The following RBFOX1 variants were observed in gnomAD, a reference collection of about 807,000 sequenced individuals.
The protein encoded by RBFOX1 is RNA binding fox-1 homolog 1, also known as RNA binding protein fox-1 homolog 1.
RBFOX1 carries 8 observed loss-of-function variants against 57.7 expected under a neutral mutation model. The ratio of observed to expected loss-of-function variants is 0.14; its 90% CI spans 0.08 to 0.25. The LOEUF (loss-of-function observed/expected upper bound fraction) is 0.25, where lower values mean the gene tolerates loss of function less well. Ranked by LOEUF, RBFOX1 falls within the 10% of genes least tolerant of loss-of-function variation. The probability of loss-of-function intolerance (pLI) is 1.00; values close to 1 mark genes in which losing one functional copy is unlikely to be tolerated. For synonymous variants in RBFOX1, 326 were observed against 222.4 expected, an observed-to-expected ratio of 1.47 and a Z score of -4.15; for missense variants, 611 against 548.5, an observed-to-expected ratio of 1.11 and a Z score of -1.14.
intron 3 of RBFOX1, among the ~76,000 whole-genome samples, chr16:6,759,000 A>G (rs902647636): frequency 5.3e-5 from 8 of 152,182 alleles, no homozygotes; most frequent in East Asian, 1.9e-4. Context: ...TATTCAGACA[A>G]TGATGAGCTA....
At chr16:7,078,430 C>G (rs1256566358) in intron 4 of RBFOX1, among the ~76,000 whole-genome samples, 2 of 152,150 alleles carry the variant, frequency 1.3e-5, no homozygotes, top group African/African-American at 2.4e-5. Context: ...TCACTGAAAC[C>G]TCCGCCTCCC....
chr16:6,980,203 C>T (rs535119378), intron 3 of RBFOX1, among the ~76,000 whole-genome samples: 3 of 152,302 alleles, frequency 2.0e-5, no homozygotes, highest in African/African-American at 7.2e-5. Flanking sequence ...AAAAGCAATT[C>T]TAGCTGATAT....
At chr16:6,316,627 C>G (rs142683585) in intron 1 of RBFOX1, among the ~76,000 whole-genome samples, 3 of 152,138 alleles carry the variant, frequency 2.0e-5, no homozygotes. Context: ...GACAAGAACT[C>G]ATGGTGTAAG....
At chr16:6,355,419 ATGG>A (rs1175948896) in intron 2 of RBFOX1, among the ~76,000 whole-genome samples, 4 of 152,142 alleles carry the variant, frequency 2.6e-5, no homozygotes, top group Non-Finnish European at 4.4e-5. Flanking sequence ...TTTGCTGAGA[ATGG>A]TGGTTTCCAG....
intron 2 of RBFOX1, among the ~76,000 whole-genome samples, chr16:6,586,220 A>C (rs1400181699): frequency 1.3e-5 from 2 of 152,142 alleles, no homozygotes; most frequent in African/African-American, 4.8e-5. Context: ...AGAAAATCCC[A>C]ATTTGCTCAG....
Position 7,054,549 on chromosome 16 carries a change from G to A in RBFOX1, c.27+2451G>A, listed in dbSNP as rs552570282. Among the ~76,000 whole-genome samples the A allele has an allele frequency of 6.4e-5, 9 of 139,988 alleles. No individual in the cohort carries two copies. The East Asian group carries it at 1.3e-3, about 20-fold the overall frequency. 91.8% of individuals were successfully genotyped at this position (139,988 alleles called of 152,430 possible). ...AGCCACTGCGCCAAACCTGGGTGGG[G>A]GGGCATTTTTTAAGGGTTTCTGAAA... is the stretch of plus-strand genomic sequence containing the variant. On this transcript the variant is annotated intron_variant, in intron 4 of 15. Transcript: ENST00000550418.
intron 2 of RBFOX1, among the ~76,000 whole-genome samples, chr16:5,539,689 T>C (rs2044854231): frequency 6.6e-6 from 1 of 152,188 alleles, no homozygotes; most frequent in African/African-American, 2.4e-5. Context: ...ATGTGAGAGA[T>C]TGTAAGAATT....
At chr16:7,249,214 G>T (rs2094422989) in intron 4 of RBFOX1, among the ~76,000 whole-genome samples, 1 of 152,198 alleles carries the variant, frequency 6.6e-6, no homozygotes, top group African/African-American at 2.4e-5. Flanking sequence ...AAATGTTTTT[G>T]CAAGGGTGGG....
At chr16:7,086,768 C>T (rs905796827) in intron 4 of RBFOX1, among the ~76,000 whole-genome samples, 1 of 74,632 alleles carries the variant, frequency 1.3e-5, no homozygotes, top group Non-Finnish European at 2.7e-5. Flanking sequence ...CTAATGAGGG[C>T]GTGTGTATCA....
At chr16:5,291,423 C>G (rs932665154) in intron 1 of RBFOX1, among the ~76,000 whole-genome samples, 1 of 152,240 alleles carries the variant, frequency 6.6e-6, no homozygotes, top group African/African-American at 2.4e-5. Flanking sequence ...CCACCACGCC[C>G]TGCTAATTTT....
intron 4 of RBFOX1, among the ~76,000 whole-genome samples, chr16:7,382,586 C>T (rs2097797788): frequency 1.3e-5 from 2 of 152,176 alleles, no homozygotes; most frequent in Non-Finnish European, 2.9e-5. Context: ...AGTGAAGATA[C>T]ACATTTTAAG....
intron 4 of RBFOX1, among the ~76,000 whole-genome samples, chr16:5,872,727 C>G (rs928701302): frequency 6.6e-6 from 1 of 151,682 alleles, no homozygotes; most frequent in African/African-American, 2.4e-5. Context: ...CAGAGCTAGA[C>G]CCTGTCTTAA....
chr16:6,834,630 A>G (rs2092953405), intron 3 of RBFOX1, among the ~76,000 whole-genome samples: 2 of 152,202 alleles, frequency 1.3e-5, no homozygotes, highest in South Asian at 2.1e-4. Flanking sequence ...AAGCAAGGGT[A>G]GACAGATTGT....
At chr16:5,660,254 G>T (rs941533975) in intron 3 of RBFOX1, among the ~76,000 whole-genome samples, 8 of 152,156 alleles carry the variant, frequency 5.3e-5, no homozygotes, top group Non-Finnish European at 1.2e-4. Flanking sequence ...AAGCGCCCCA[G>T]TGAGAGAGGG....
At chr16:7,123,495 G>A (rs1453282166) in intron 4 of RBFOX1, among the ~76,000 whole-genome samples, 3 of 152,064 alleles carry the variant, frequency 2.0e-5, no homozygotes, top group African/African-American at 7.3e-5. Flanking sequence ...TTCCTGAGTA[G>A]CTGAGACTAC....
At chr16:6,685,493 C>T (rs28577999) in intron 3 of RBFOX1, among the ~76,000 whole-genome samples, 6,229 of 134,968 alleles carry the variant, frequency 0.046, 372 homozygotes, top group African/African-American at 0.14. Flanking sequence ...TTGCCGTGTT[C>T]GCCAGGCTGC....
At chr16:7,014,527 C>T (rs1410642188) in intron 3 of RBFOX1, among the ~76,000 whole-genome samples, 3 of 151,954 alleles carry the variant, frequency 2.0e-5, no homozygotes, top group African/African-American at 7.3e-5. Flanking sequence ...AGTGATAAGC[C>T]TCCCAAAGTG....
chr16:5,688,221 A>G (rs928343566), intron 3 of RBFOX1, among the ~76,000 whole-genome samples: 4 of 152,232 alleles, frequency 2.6e-5, no homozygotes, highest in Admixed American at 2.6e-4. Flanking sequence ...GCTGCTAAGT[A>G]GAATTTCATA....
intron 2 of RBFOX1, among the ~76,000 whole-genome samples, chr16:5,570,144 G>A (rs977021549): frequency 2.6e-5 from 4 of 152,214 alleles, no homozygotes; most frequent in African/African-American, 9.6e-5. Context: ...AATATTCGGA[G>A]GTTTATTGTT....
Sources: allele counts gnomAD v4.1 joint callset (sites outside exome capture counted in the v4.1 genomes callset), GRCh38; gene constraint gnomAD v4.1.1; transcripts MANE v1.5; gene names NCBI Gene and HGNC (gene_info 2026-07-23, HGNC 2026-07-21).